TCTN2: variants seen among roughly 807,000 people sequenced by gnomAD.
TCTN2 encodes tectonic-2.
In TCTN2, 66 loss-of-function variants were observed where a neutral mutation model predicts 83.4. The observed-to-expected ratio is 0.79, with a 90% confidence interval of 0.65 to 0.97. TCTN2 has a LOEUF of 0.97. Among genes scored for constraint, TCTN2 ranks in the 50% least tolerant of loss-of-function variants. The pLI is 0.00. For missense variants in TCTN2, 794 were observed against 858.1 expected, an observed-to-expected ratio of 0.93 and a Z score of 0.93; for synonymous variants, 301 against 326.7, an observed-to-expected ratio of 0.92 and a Z score of 0.85.
chr12:123,681,982 A>C (rs1252405746), intron 5 of TCTN2, among the ~76,000 whole-genome samples: 1 of 151,942 alleles, frequency 6.6e-6, no homozygotes, highest in Non-Finnish European at 1.5e-5. Context: ...TTTTTCTTTA[A>C]ATTTTTGAGA....
intron 7 of TCTN2, 130 bp downstream of exon 7, chr12:123,688,307 C>T: frequency 1.6e-6 from 2 of 1,246,544 alleles, no homozygotes; most frequent in Non-Finnish European, 2.2e-6. Context: ...CCTCTGCCTC[C>T]CGGGTTCAAG....
At position 123,694,352 on chromosome 12, in the gene TCTN2, C is replaced by T. The variant is rs537552512; in HGVS notation, c.1100-490C>T. On this transcript the variant is annotated intron_variant, in intron 9 of 17. Coordinates refer to ENST00000303372, the MANE Select transcript of TCTN2 (RefSeq NM_024809.5). ...CCATGCTGGCCAGGCTGGTCTCGAA[C>T]TCTTGACCTCAGGTGATCTGCCCAC... Among the ~76,000 whole-genome samples, 150 of 152,340 alleles carry T rather than the reference C, an allele frequency of 9.8e-4. 1 individual carries two copies. The highest frequency in any genetic ancestry group is 3.3e-3 in the African/African-American group (137 of 41,594).
intron 4 of TCTN2, among the ~76,000 whole-genome samples, chr12:123,675,708 C>G (rs1490622447): frequency 6.6e-6 from 1 of 152,130 alleles, no homozygotes; most frequent in Non-Finnish European, 1.5e-5. Flanking sequence ...TAAAGAAATT[C>G]TGGAAGGATG....
chr12:123,688,122 A>T lies in TCTN2; in HGVS notation c.836A>T (p.Tyr279Phe). The change falls in exon 7 of 18, where the codon TAC (tyrosine) becomes TTC (phenylalanine). Residue 279 changes from tyrosine (Y) to phenylalanine (F), a missense_variant. By Grantham distance (22) the Tyr-to-Phe change is conservative (BLOSUM62 3). Transcript: ENST00000303372. ...TDAKDFADFGYKQGDPIMTVK... is the reference protein window; with the variant it reads ...TDAKDFADFGFKQGDPIMTVK... ...GCAAAAGACTTTGCAGACTTTGGTT[A>T]CAAACAAGGAGATCCCATTATGACT... The T allele has an allele frequency of 6.2e-7, 1 of 1,614,122 alleles. No individual in the cohort carries two copies. Among genetic ancestry groups the T allele is most frequent in the Non-Finnish European group, 8.5e-7 (1 of 1,179,970 alleles).
rs1955751544 is a variant in TCTN2, at chr12:123,671,550, C to T, written c.126C>T (p.Ser42=). The T allele has an allele frequency of 6.2e-7, 1 of 1,614,024 alleles. No individual in the cohort carries two copies. Among genetic ancestry groups the T allele is most frequent in the African/African-American group, 1.3e-5 (1 of 75,046 alleles). ...TCCGAATGTCCGGCCCTGCGGTCAGCGCGTCCCTGGTCGGAGACACCGAGG... is the reference window on the plus strand; with the variant it reads ...TCCGAATGTCCGGCCCTGCGGTCAGTGCGTCCCTGGTCGGAGACACCGAGG... ...PFIRMSGPAV[S]ASLVGDTEGV... Residue 42 remains serine, a synonymous_variant, in exon 2 of 18, where the codon AGC becomes AGT. Coordinates refer to ENST00000303372, the MANE Select transcript of TCTN2 (RefSeq NM_024809.5).
intron 15 of TCTN2, among the ~76,000 whole-genome samples, chr12:123,705,007 G>A (rs968382101): frequency 1.3e-5 from 2 of 152,014 alleles, no homozygotes; most frequent in Admixed American, 6.6e-5. Context: ...AGAGAATATT[G>A]TCTGTGGTTA....
At chr12:123,680,118 C>A (rs1293912244) in intron 5 of TCTN2, among the ~76,000 whole-genome samples, 2 of 151,736 alleles carry the variant, frequency 1.3e-5, no homozygotes, top group Non-Finnish European at 2.9e-5. Context: ...TTTGGGTGGC[C>A]AAGGTGGGCG....
In TCTN2 at chr12:123,671,203, G is replaced by T. The variant is rs979973057; in HGVS notation, c.-38G>T. On this transcript the variant is annotated 5_prime_UTR_variant, in exon 1 of 18. Transcript: ENST00000303372. ...GAGTCCTTCCTGGGTTCTAATGAGG[G>T]CGCGGTTCTGCTGTGCCCGGCCCGC... 1 of 1,582,568 alleles carries T rather than the reference G, an allele frequency of 6.3e-7. No individual in the cohort carries two copies. Among genetic ancestry groups the T allele is most frequent in the Non-Finnish European group, 8.6e-7 (1 of 1,160,272 alleles).
chr12:123,692,011 C>T (rs1195855120), intron 8 of TCTN2, among the ~76,000 whole-genome samples: 1 of 152,174 alleles, frequency 6.6e-6, no homozygotes, highest in Non-Finnish European at 1.5e-5. Flanking sequence ...TCTCCTGCCT[C>T]AGCCTCCCGA....
In TCTN2 at chr12:123,673,824, TTGAC is replaced by T; in HGVS notation, c.463+17_463+20del. The T allele has an allele frequency of 1.2e-6, 2 of 1,613,096 alleles. No homozygotes were observed. Among genetic ancestry groups the T allele is most frequent in the African/African-American group, 2.7e-5 (2 of 74,900 alleles). ...ATAATGCCTCAGGCAAGTGAAGTCT[TTGAC>T]TGTCAAAACTTTCATGTTGTTCCCA... On this transcript the variant is annotated intron_variant, in intron 4 of 17. Coordinates refer to ENST00000303372, the MANE Select transcript of TCTN2 (RefSeq NM_024809.5).
At chr12:123,688,204 G>T in intron 7 of TCTN2, 27 bp downstream of exon 7, 1 of 1,584,256 alleles carries the variant, frequency 6.3e-7, no homozygotes, top group Non-Finnish European at 8.6e-7. Flanking sequence ...TAGTATGCTA[G>T]ACCGTTCTCT....
intron 13 of TCTN2, 34 bp from the exon 14 acceptor site, chr12:123,699,670 G>C: frequency 6.5e-7 from 1 of 1,535,880 alleles, no homozygotes; most frequent in South Asian, 1.1e-5. Context: ...AGACCTGCTG[G>C]CCATGAGCTG....
rs1005869142 is a variant in TCTN2, at chr12:123,680,031, G to A, written c.564+742G>A. 9.2e-5 allele frequency among the ~76,000 whole-genome samples: 14 copies of A among 151,876 alleles called. No homozygotes were observed. In the East Asian group the frequency reaches 9.9e-4, roughly 11 times the overall value. On this transcript the variant is annotated intron_variant, in intron 5 of 17. Transcript: ENST00000303372. ...GGGGATTACAGGCGTGAGCCACCGC[G>A]CCCAGCCCAAATTGAGTATTTTTTT...
chr12:123,676,930 C>T (rs1185087455), intron 4 of TCTN2, among the ~76,000 whole-genome samples: 1 of 152,170 alleles, frequency 6.6e-6, no homozygotes, highest in African/African-American at 2.4e-5. Context: ...GTAATTCCAG[C>T]ACTTTGGGAG....
intron 11 of TCTN2, chr12:123,695,822 A>T (rs1956100758): frequency 6.3e-6 from 1 of 158,752 alleles, no homozygotes; most frequent in South Asian, 1.8e-4. Flanking sequence ...CAGCCTCTTT[A>T]TTCTCTGTTG....
intron 5 of TCTN2, among the ~76,000 whole-genome samples, chr12:123,683,220 C>T (rs1263219646): frequency 6.6e-6 from 1 of 151,666 alleles, no homozygotes; most frequent in African/African-American, 2.4e-5. Flanking sequence ...GAGAGTCCAT[C>T]TCAAAAAAAT....
chr12:123,671,337 G>A lies in TCTN2; in HGVS notation c.82+15G>A. The A allele has an allele frequency of 6.2e-7, 1 of 1,612,998 alleles. No homozygotes were observed. Among genetic ancestry groups the A allele is most frequent in the Non-Finnish European group, 8.5e-7 (1 of 1,179,518 alleles). ...GGGGGACCTGGGTGTGTACGGCGCG[G>A]CAGTGACCTCGGTGGGCCGGGGCTG... On this transcript the variant is annotated intron_variant, in intron 1 of 17. Coordinates refer to ENST00000303372, the MANE Select transcript of TCTN2 (RefSeq NM_024809.5).
rs779723170 is a variant in TCTN2 at position 123,699,697 on chromosome 12, C to A, written c.1506-7C>A. ...CATGAGCTGAGAAATGTCTTACTCT[C>A]TTGCAGGGAGAATGCTGTTGAAAGA... On this transcript the variant is annotated splice_polypyrimidine_tract_variant and splice_region_variant and intron_variant, in intron 13 of 17. Transcript: ENST00000303372. The A allele has an allele frequency of 6.2e-7, 1 of 1,610,924 alleles. No individual in the cohort carries two copies. The highest frequency in any genetic ancestry group is 1.3e-5 in the African/African-American group (1 of 74,982).
chr12:123,673,602 G>A lies in TCTN2; in HGVS notation c.268-13G>A, dbSNP rs1437578751. The stretch of plus-strand genomic sequence containing the variant: ...TGAGTCACTTTAAAAATACAGCAAT[G>A]TTTTCCTTTCAGAAGGTGTTGGAAG... On this transcript the variant is annotated splice_polypyrimidine_tract_variant and intron_variant, in intron 3 of 17. Transcript: ENST00000303372. 4 of 1,613,958 alleles carry A rather than the reference G, an allele frequency of 2.5e-6. No individual in the cohort carries two copies. The South Asian group carries it at 4.4e-5, about 18-fold the overall frequency.
Sources: gnomAD v4.1 joint callset for allele counts (sites outside exome capture counted in the v4.1 genomes callset) on GRCh38, gnomAD v4.1.1 for gene constraint, MANE v1.5 for transcripts, NCBI Gene and HGNC (gene_info 2026-07-23, HGNC 2026-07-21) for gene names.